The following HELZ2 variants were observed in gnomAD, a reference collection of about 807,000 sequenced individuals.
The protein encoded by HELZ2 is 3'-5' exoribonuclease HELZ2.
Under a neutral mutation model 208.8 loss-of-function variants are expected in HELZ2, and 143 were observed. The ratio of observed to expected loss-of-function variants is 0.68; its 90% CI spans 0.60 to 0.79. The LOEUF is 0.79. Ranked by LOEUF, HELZ2 falls within the 30% of genes least tolerant of loss-of-function variation. The pLI is 0.00. For synonymous variants in HELZ2, 1,705 were observed against 1,693.7 expected (o/e 1.01, Z -0.16); for missense variants, 3,690 against 3,794.5 (o/e 0.97, Z 0.72).
rs554567568 is a variant in HELZ2, at chr20:63,562,093, T to C, written c.6508A>G (p.Thr2170Ala). 2.5e-6 allele frequency: 4 copies of C among 1,590,070 alleles called. No homozygotes were observed. In the South Asian group the frequency reaches 3.3e-5, roughly 13 times the overall value. ...CTACCTGGTGGGCCCTGAATGACCG[T>C]GAAAGGCTTCTCCAGAGCCTCCCTG... is the stretch of plus-strand genomic sequence containing the variant. Residue 2170 changes from threonine to alanine, a missense_variant, in exon 10 of 19, where the codon ACG becomes GCG. By Grantham distance (58) the Thr-to-Ala change is moderately conservative. Coordinates refer to ENST00000467148, the Ensembl canonical transcript of HELZ2.
chr20:63,570,507 A>G (rs771328361), exon 3 of HELZ2: 2 of 1,612,482 alleles, frequency 1.2e-6, no homozygotes, highest in Admixed American at 3.3e-5. Flanking sequence ...CGCTCACCTC[A>G]GAGTGGACGG....
At chr20:63,572,668 A>G, upstream of HELZ2, 1 of 427,714 alleles carries the variant, frequency 2.3e-6, no homozygotes, top group South Asian at 4.9e-5. Context: ...CAAACTCCGT[A>G]AGGATGGCGT....
At chr20:63,560,962 C>A in intron 14 of HELZ2, 33 bp from the exon 16 acceptor site, 1 of 1,607,002 alleles carries the variant, frequency 6.2e-7, no homozygotes, top group Non-Finnish European at 8.5e-7. Context: ...CCCTGACACC[C>A]CTAGACCCAG....
At position 63,562,316 on chromosome 20, in the gene HELZ2, G is replaced by A. The variant is rs764016938; in HGVS notation, c.6369C>T (p.Gly2123=). Residue 2123 remains glycine, a synonymous_variant, in exon 9 of 19, where the codon GGC becomes GGT. Coordinates refer to ENST00000467148, the Ensembl canonical transcript of HELZ2. The stretch of plus-strand genomic sequence containing the variant: ...TGCAGAGGGGCTGCGGGACAGGCCG[G>A]CCCAGTGCGATGCTGGTGACCAGCG... 2.0e-5 allele frequency: 32 copies of A among 1,598,962 alleles called. No homozygotes were observed. In the East Asian group the frequency reaches 3.8e-4, roughly 19 times the overall value.
rs1600981084 is a variant in HELZ2 at position 63,567,549 on chromosome 20, C to G, written c.1809G>C (p.Val603=). 3.8e-6 allele frequency: 6 copies of G among 1,578,948 alleles called. No individual in the cohort carries two copies. The East Asian group carries it at 1.4e-4, about 37-fold the overall frequency. ...GGCTCAGCGGCCGGTCCGTGTACAT[C>G]ACACGGAGAGGAGTGGCCTCGGGGT... Residue 603 remains valine, a synonymous_variant, in exon 6 of 19, where the codon GTG becomes GTC. Transcript: ENST00000467148.
upstream of HELZ2, chr20:63,572,663 T>G: frequency 2.3e-6 from 1 of 432,736 alleles, no homozygotes; most frequent in Non-Finnish European, 4.1e-6. Context: ...GCCGCCAAAC[T>G]CCGTAAGGAT....
At chr20:63,562,917 G>A in exon 8 of HELZ2, 1 of 1,595,662 alleles carries the variant, frequency 6.3e-7, no homozygotes, top group Non-Finnish European at 8.5e-7. Flanking sequence ...GAGACACTCA[G>A]GTGCTGAAGT....
chr20:63,568,372 G>A (rs1294743212), exon 5 of HELZ2: 1 of 1,610,644 alleles, frequency 6.2e-7, no homozygotes, highest in Non-Finnish European at 8.5e-7. Context: ...TGGTGTGTGT[G>A]CAGATGAGCA....
At chr20:63,563,643 G>A in exon 8 of HELZ2, 2 of 1,546,058 alleles carry the variant, frequency 1.3e-6, no homozygotes, top group Non-Finnish European at 1.7e-6. Flanking sequence ...GCCAGGTGCA[G>A]GCTGCGCGCC....
intron 12 of HELZ2, 23 bp from the exon 14 acceptor site, chr20:63,561,489 C>T: frequency 6.3e-7 from 1 of 1,592,132 alleles, no homozygotes; most frequent in Non-Finnish European, 8.6e-7. Context: ...ACACAGTGAG[C>T]CCTGTCCACG....
chr20:63,565,202 C>T lies in HELZ2; in HGVS notation c.3620G>A (p.Arg1207His), dbSNP rs765790192. ...GATGCGCGGGTCCCACGTGTCCATG[C>T]GGCACACAAACGCCAGCTCGTGCCT... The change falls in exon 8 of 19, where the codon CGC (arginine) becomes CAC (histidine). Residue 1207 changes from arginine to histidine, a missense_variant. Coordinates refer to ENST00000467148, the Ensembl canonical transcript of HELZ2. The T allele has an allele frequency of 2.4e-5, 39 of 1,607,522 alleles. No homozygotes were observed. In the East Asian group the frequency reaches 3.6e-4, roughly 15 times the overall value.
intron 3 of HELZ2, chr20:63,570,255 T>G (rs1600984910): frequency 1.6e-6 from 1 of 624,852 alleles, no homozygotes; most frequent in Admixed American, 2.1e-5. Flanking sequence ...CCACCGCACC[T>G]GGCCAAATCC....
chr20:63,568,854 C>T (rs1490652229), exon 5 of HELZ2: 8 of 1,612,190 alleles, frequency 5.0e-6, no homozygotes, highest in Non-Finnish European at 6.8e-6. Context: ...ACCGCCCGGC[C>T]CAGCAGGAAG....
chr20:63,559,087 C>T (rs1040590050), downstream of HELZ2: 54 of 783,138 alleles, frequency 6.9e-5, no homozygotes, highest in African/African-American at 5.0e-4. Flanking sequence ...CGGCCCTTGC[C>T]GTTCCTCCTC....
At chr20:63,559,242 C>A in exon 19 of HELZ2, 2 of 1,544,298 alleles carry the variant, frequency 1.3e-6, no homozygotes, top group Non-Finnish European at 1.8e-6. Flanking sequence ...GTGGAGAGGG[C>A]TCTTCAGGAA....
intron 18 of HELZ2, 113 bp downstream of exon 19, chr20:63,559,815 G>A: frequency 1.0e-6 from 1 of 1,000,074 alleles, no homozygotes; most frequent in African/African-American, 1.6e-5. Context: ...AGGGTCAGGT[G>A]GGAGGAGTCA....
rs779358155 is a variant in HELZ2 at position 63,569,300 on chromosome 20, C to A, written c.936G>T (p.Thr312=). Reference sequence around the variant, plus strand: ...GGCCCTTGTACTTGGCCATCAGGGCCGTCTGCTCGGCCGTCCGCTCCACGC... The same window carrying A: ...GGCCCTTGTACTTGGCCATCAGGGCAGTCTGCTCGGCCGTCCGCTCCACGC... Residue 312 remains threonine, a synonymous_variant, in exon 4 of 19, where the codon ACG becomes ACT. Transcript: ENST00000467148. The A allele has an allele frequency of 2.1e-5, 33 of 1,574,782 alleles. 1 individual carries two copies. In the Admixed American group the frequency reaches 5.4e-4, roughly 26 times the overall value.
chr20:63,569,653 G>A (rs1313953314), exon 4 of HELZ2: 3 of 1,533,322 alleles, frequency 2.0e-6, no homozygotes, highest in South Asian at 2.4e-5. Context: ...AGGGCCACGT[G>A]TAGCAGGGGC....
At chr20:63,570,642 C>T (rs755114029) in intron 2 of HELZ2, 31 bp from the exon 4 acceptor site, 2 of 1,593,876 alleles carry the variant, frequency 1.3e-6, no homozygotes, top group South Asian at 1.1e-5. Context: ...CAGCAAGAGG[C>T]CTGGACCCCA....
Sources: gnomAD v4.1 joint callset for allele counts on GRCh38, gnomAD v4.1.1 for gene constraint, MANE v1.5 for transcripts, NCBI Gene and HGNC (gene_info 2026-07-23, HGNC 2026-07-21) for gene names.